SLCO1C1: variants seen among roughly 807,000 people sequenced by gnomAD.
SLCO1C1 encodes the protein OAT-RP-5.
Under a neutral mutation model 76.4 loss-of-function variants are expected in SLCO1C1, and 70 were observed. The ratio of observed to expected loss-of-function variants is 0.92; its 90% CI spans 0.76 to 1.12. The LOEUF is 1.12. Among genes scored for constraint, SLCO1C1 ranks in the 50% most tolerant of loss-of-function variants. SLCO1C1 has a pLI of 0.00. For synonymous variants in SLCO1C1, 306 were observed against 286.1 expected (o/e 1.07, Z -0.70); for missense variants, 912 against 823.8 (o/e 1.11, Z -1.31).
At chr12:20,735,044 C>T (rs1948476122) in intron 10 of SLCO1C1, among the ~76,000 whole-genome samples, 1 of 152,160 alleles carries the variant, frequency 6.6e-6, no homozygotes, top group Non-Finnish European at 1.5e-5. Flanking sequence ...AATTACAAAT[C>T]TACTGTCAGC....
chr12:20,707,850 C>A (rs941618114), intron 4 of SLCO1C1, among the ~76,000 whole-genome samples: 3 of 152,012 alleles, frequency 2.0e-5, no homozygotes, highest in Non-Finnish European at 4.4e-5. Context: ...AAAAGAAGGT[C>A]GGACAACCAG....
chr12:20,748,932 T>C (rs985198872), intron 13 of SLCO1C1, among the ~76,000 whole-genome samples: 5 of 152,214 alleles, frequency 3.3e-5, no homozygotes, highest in African/African-American at 4.8e-5. Flanking sequence ...GTTTTCTCCA[T>C]TGAAAAATCC....
chr12:20,741,811 TAAA>T (rs1488551392), intron 12 of SLCO1C1, among the ~76,000 whole-genome samples: 1 of 152,168 alleles, frequency 6.6e-6, no homozygotes, highest in African/African-American at 2.4e-5. Flanking sequence ...AAAAATCACT[TAAA>T]ATAATAAAAA....
At chr12:20,711,878 T>C (rs1947125429) in intron 5 of SLCO1C1, among the ~76,000 whole-genome samples, 1 of 152,214 alleles carries the variant, frequency 6.6e-6, no homozygotes, top group African/African-American at 2.4e-5. Flanking sequence ...TTAATTTCTG[T>C]GTTCAGCTAC....
intron 7 of SLCO1C1, among the ~76,000 whole-genome samples, chr12:20,720,201 A>AT (rs1292347710): frequency 1.8e-4 from 28 of 151,788 alleles, no homozygotes; most frequent in East Asian, 1.7e-3. Context: ...TCAGGAAAAA[A>AT]AATATATATA....
At chr12:20,709,209 A>G (rs1417638100) in intron 4 of SLCO1C1, among the ~76,000 whole-genome samples, 1 of 152,196 alleles carries the variant, frequency 6.6e-6, no homozygotes, top group Non-Finnish European at 1.5e-5. Flanking sequence ...TTAAATAATT[A>G]CACTTTTGTC....
intron 7 of SLCO1C1, among the ~76,000 whole-genome samples, chr12:20,720,773 A>T (rs1592266502): frequency 6.6e-6 from 1 of 152,074 alleles, no homozygotes; most frequent in Non-Finnish European, 1.5e-5. Context: ...CAAGGCGGGC[A>T]GATCACCTGA....
intron 3 of SLCO1C1, 22 bp downstream of exon 3, chr12:20,701,481 C>T: frequency 1.4e-6 from 2 of 1,428,408 alleles, no homozygotes; most frequent in East Asian, 2.5e-5. Context: ...AGATGCCTGA[C>T]TTTAATTTTA....
At chr12:20,739,435 A>G (rs1209984212) in intron 11 of SLCO1C1, among the ~76,000 whole-genome samples, 3 of 151,392 alleles carry the variant, frequency 2.0e-5, no homozygotes, top group Non-Finnish European at 4.4e-5. Context: ...GAAGGTCTCT[A>G]TTAAAACCTC....
chr12:20,750,931 G>A (rs10841612), intron 14 of SLCO1C1, 139 bp downstream of exon 14: 800,750 of 1,487,118 alleles, frequency 0.54, 220,781 homozygotes, highest in South Asian at 0.63. Context: ...GTGATCTGTA[G>A]TCATAGAATA....
rs71581956 is a variant in SLCO1C1, at chr12:20,711,517, T to A, written c.529+7T>A. The A allele has an allele frequency of 0.06, 96,494 of 1,611,234 alleles. 3,264 individuals are homozygous for A. The highest frequency in any genetic ancestry group is 0.068 in the Non-Finnish European group (80,562 of 1,178,330). On this transcript the variant is annotated splice_region_variant and intron_variant, in intron 5 of 14. Coordinates refer to ENST00000266509, the MANE Select transcript of SLCO1C1 (RefSeq NM_017435.5). ...AAATCCAAAATAAGTAACGGTAAGA[T>A]CATTTTTTTGACTTGACTAAACAAG...
At chr12:20,713,256 T>G (rs375048273) in intron 5 of SLCO1C1, among the ~76,000 whole-genome samples, 9 of 151,896 alleles carry the variant, frequency 5.9e-5, no homozygotes, top group African/African-American at 2.2e-4. Flanking sequence ...ATTTTTTGTA[T>G]TTTTAGTAGA....
Position 20,715,329 on chromosome 12 carries a change from G to A in SLCO1C1, c.676+44G>A, listed in dbSNP as rs773753793. On this transcript the variant is annotated intron_variant, in intron 6 of 14. Transcript: ENST00000266509. Reference sequence around the variant, plus strand: ...TTCACTTATCTTCTTGGGAAGCAGGGTGTCTAGTTTTCTGAATTCCCCTCT... The same window carrying A: ...TTCACTTATCTTCTTGGGAAGCAGGATGTCTAGTTTTCTGAATTCCCCTCT... 6 of 1,603,016 alleles carry A rather than the reference G, an allele frequency of 3.7e-6. No homozygotes were observed. The African/African-American group carries it at 6.7e-5, about 18-fold the overall frequency.
At chr12:20,699,390 C>A (rs1946411946) in intron 1 of SLCO1C1, among the ~76,000 whole-genome samples, 162 bp from the exon 2 acceptor site, 1 of 151,992 alleles carries the variant, frequency 6.6e-6, no homozygotes. Flanking sequence ...AATCAGATAT[C>A]CTGGTTGATT....
chr12:20,737,294 A>G, intron 11 of SLCO1C1, 22 bp downstream of exon 11: 1 of 1,547,962 alleles, frequency 6.5e-7, no homozygotes, highest in Non-Finnish European at 8.6e-7. Flanking sequence ...CCTCTCAAGT[A>G]TATGGCGATG....
chr12:20,726,661 T>G (rs1273538239), intron 9 of SLCO1C1, among the ~76,000 whole-genome samples: 1 of 152,106 alleles, frequency 6.6e-6, no homozygotes, highest in Admixed American at 6.5e-5. Flanking sequence ...GGCAGCTAGA[T>G]TTTCATTTTT....
At chr12:20,721,014 A>AC (rs1049331311) in intron 7 of SLCO1C1, among the ~76,000 whole-genome samples, 5 of 151,766 alleles carry the variant, frequency 3.3e-5, no homozygotes, top group Non-Finnish European at 7.4e-5. Context: ...AAAAAAAAAA[A>AC]AAAAAGCTTA....
chr12:20,740,787 T>TA (rs1565541668), intron 12 of SLCO1C1, among the ~76,000 whole-genome samples: 43 of 75,076 alleles, frequency 5.7e-4, no homozygotes, highest in East Asian at 2.0e-3. Context: ...TTTATTTTAT[T>TA]TATATATATA....
intron 13 of SLCO1C1, among the ~76,000 whole-genome samples, chr12:20,745,862 T>G (rs1301008897): frequency 2.0e-5 from 3 of 152,034 alleles, no homozygotes; most frequent in Non-Finnish European, 1.5e-5. Context: ...AAGCTCATTC[T>G]TAAATTTGAA....
Sources: gnomAD v4.1 joint callset for allele counts (sites outside exome capture counted in the v4.1 genomes callset) on GRCh38, gnomAD v4.1.1 for gene constraint, MANE v1.5 for transcripts, NCBI Gene and HGNC (gene_info 2026-07-23, HGNC 2026-07-21) for gene names.